Variants in EFS observed in about 807,000 individuals in gnomAD.
The protein encoded by EFS is embryonal Fyn-associated substrate.
A neutral mutation model predicts 42.2 loss-of-function variants in EFS; 34 were observed. That is an observed-to-expected ratio of 0.81 (90% CI 0.61 to 1.07). The LOEUF (loss-of-function observed/expected upper bound fraction) is 1.07, where lower values mean the gene tolerates loss of function less well. Ranked by LOEUF, EFS falls within the 50% of genes least tolerant of loss-of-function variation. The probability of loss-of-function intolerance (pLI) is 0.00; values close to 1 mark genes in which losing one functional copy is unlikely to be tolerated. For missense variants in EFS, 717 were observed against 729.4 expected, an observed-to-expected ratio of 0.98 and a Z score of 0.20; for synonymous variants, 299 against 320.7, an observed-to-expected ratio of 0.93 and a Z score of 0.72.
chr14:23,360,353 G>A (rs1890104628), intron 2 of EFS, 72 bp from the exon 3 acceptor site: 2 of 1,542,508 alleles, frequency 1.3e-6, no homozygotes, highest in Admixed American at 1.9e-5. Context: ...TGAGTGCGAG[G>A]AGCTTAGAGA....
At position 23,365,097 on chromosome 14, in the gene EFS, A is replaced by G. The variant is rs985269686; in HGVS notation, c.-72T>C. The G allele has an allele frequency of 5.6e-6, 7 of 1,246,944 alleles. No homozygotes were observed. The highest frequency in any genetic ancestry group is 7.1e-6 in the Non-Finnish European group (7 of 982,388). 77.2% of individuals were successfully genotyped at this position (1,246,944 alleles called of 1,614,324 possible). On this transcript the variant is annotated 5_prime_UTR_variant, in exon 1 of 6. Coordinates refer to ENST00000216733, the MANE Select transcript of EFS (RefSeq NM_005864.4). This position sits in a 1 kb window ranked among gnomAD's most constrained non-coding sequence, Gnocchi z 5.3. ...CTGACTTCAGCGGTGGCTGCCCCGCACCATGGTCCGCGGCCTCTAGCCCCC... is the reference window on the plus strand; with the variant it reads ...CTGACTTCAGCGGTGGCTGCCCCGCGCCATGGTCCGCGGCCTCTAGCCCCC...
rs531434738 is a variant in EFS, at chr14:23,358,887, G to A, written c.1240C>T (p.Pro414Ser). 1.9e-5 allele frequency: 31 copies of A among 1,611,356 alleles called. No individual in the cohort carries two copies. The South Asian group carries it at 3.2e-4, about 17-fold the overall frequency. ...CCCGCCAGGGTCACCTGCGGCGCCG[G>A]CATCCCCCTCTCGGGCAGTTCAGGA... The part of the protein sequence containing the change: ...GDPELPERGM[P>S]APQEALSPGE... The change falls in exon 5 of 6, where the codon CCG (proline) becomes TCG (serine). Residue 414 changes from proline to serine, a missense_variant. Coordinates refer to ENST00000216733, the MANE Select transcript of EFS (RefSeq NM_005864.4).
In EFS at chr14:23,365,061, G is replaced by T. The variant is rs561927815; in HGVS notation, c.-36C>A. 1.6e-6 allele frequency: 2 copies of T among 1,290,130 alleles called. No homozygotes were observed. Among genetic ancestry groups the T allele is most frequent in the Non-Finnish European group, 2.0e-6 (2 of 1,009,848 alleles). The allele number at this position is 1,290,130 out of a possible 1,614,324, so 79.9% of individuals were successfully genotyped here. ...TCCCGCGCAGCCTGCCTCAGGCCAG[G>T]CTCGGTTTTGCTGACTTCAGCGGTG... On this transcript the variant is annotated 5_prime_UTR_variant, in exon 1 of 6. Transcript: ENST00000216733. This position sits in a 1 kb window ranked among gnomAD's most constrained non-coding sequence, Gnocchi z 5.3.
intron 1 of EFS, 82 bp from the exon 2 acceptor site, chr14:23,360,915 C>A (rs959988036): frequency 1.5e-6 from 2 of 1,367,256 alleles, no homozygotes; most frequent in East Asian, 2.6e-5. Context: ...CCCTTCGGAG[C>A]TCCGCATTTC....
Position 23,359,550 on chromosome 14 carries a change from G to T in EFS, c.928C>A (p.Leu310Met), listed in dbSNP as rs764846330. The T allele has an allele frequency of 1.5e-5, 23 of 1,514,572 alleles. No homozygotes were observed. The highest frequency in any genetic ancestry group is 5.2e-5 in the South Asian group (4 of 76,372). 93.8% of individuals were successfully genotyped at this position (1,514,572 alleles called of 1,614,324 possible). A position where few individuals can be genotyped will look rare whatever the true frequency, so the allele number is the denominator to read the frequency against. ...GGGCTGGGGGCCTCAGGGACAGGCA[G>T]GGCAGGCAGAGGGCGGCGGGACAGG... The part of the protein sequence containing the change: ...ESLSRRPLPA[L>M]PVPEAPSPSP... The change falls in exon 4 of 6, where the codon CTG becomes ATG. Residue 310 changes from leucine to methionine, a missense_variant. Transcript: ENST00000216733.
Position 23,360,852 on chromosome 14 carries a change from G to C in EFS, c.19-19C>G, listed in dbSNP as rs755964602. 2.8e-5 allele frequency: 44 copies of C among 1,599,686 alleles called. No homozygotes were observed. The highest frequency in any genetic ancestry group is 3.6e-5 in the Non-Finnish European group (42 of 1,172,466). ...GCTGGGTCTGGTTGGGGAGGTGGGA[G>C]TGGGGAGAAGGGTCTTCAGACCCCT... On this transcript the variant is annotated intron_variant, in intron 1 of 5. Transcript: ENST00000216733.
At chr14:23,364,196 G>A (rs1169928111) in intron 1 of EFS, among the ~76,000 whole-genome samples, 4 of 152,244 alleles carry the variant, frequency 2.6e-5, no homozygotes, top group East Asian at 1.9e-4. Flanking sequence ...AGGTGGGGCT[G>A]TAGAGCGCTC....
intron 4 of EFS, 106 bp downstream of exon 4, chr14:23,359,211 G>T: frequency 7.2e-6 from 11 of 1,536,988 alleles, no homozygotes; most frequent in Non-Finnish European, 9.8e-6. Context: ...AGGGAAGGGG[G>T]ACAGAAGGGA....
At position 23,360,661 on chromosome 14, in the gene EFS, T is replaced by C; in HGVS notation, c.191A>G (p.Lys64Arg). The C allele has an allele frequency of 6.2e-7, 1 of 1,613,566 alleles. No homozygotes were observed. Among genetic ancestry groups the C allele is most frequent in the Non-Finnish European group, 8.5e-7 (1 of 1,179,796 alleles). The change falls in exon 2 of 6, where the codon AAG becomes AGG. Residue 64 changes from lysine (K) to arginine (R), a missense_variant. Lys to Arg is a conservative substitution (Grantham distance 26). Coordinates refer to ENST00000216733, the MANE Select transcript of EFS (RefSeq NM_005864.4). ...QQGIVPANRVKLLPAGPAPKP... is the reference protein window; with the variant it reads ...QQGIVPANRVRLLPAGPAPKP... ...GGGTGCTGGGCCAGCAGGCAAGAGCTTCACCCTGTTGGCGGGCACAATGCC... is the reference window on the plus strand; with the variant it reads ...GGGTGCTGGGCCAGCAGGCAAGAGCCTCACCCTGTTGGCGGGCACAATGCC...
Position 23,358,895 on chromosome 14 carries a change from C to A in EFS, c.1232G>T (p.Arg411Met). Residue 411 changes from arginine to methionine, a missense_variant, in exon 5 of 6, where the codon AGG becomes ATG. By Grantham distance (91) the Arg-to-Met change is moderately conservative. Transcript: ENST00000216733. Reference sequence around the variant, plus strand: ...GGTCACCTGCGGCGCCGGCATCCCCCTCTCGGGCAGTTCAGGATCCCCTGT... The same window carrying A: ...GGTCACCTGCGGCGCCGGCATCCCCATCTCGGGCAGTTCAGGATCCCCTGT... Reference protein sequence around the residue: ...ACTGDPELPERGMPAPQEALS... With the variant: ...ACTGDPELPEMGMPAPQEALS... The A allele has an allele frequency of 2.5e-6, 4 of 1,612,800 alleles. No individual in the cohort carries two copies. The highest frequency in any genetic ancestry group is 1.1e-5 in the South Asian group (1 of 90,802).
At position 23,357,657 on chromosome 14, in the gene EFS, C is replaced by A; in HGVS notation, c.1255G>T (p.Ala419Ser). ...PERGMPAPQE[A>S]LSPGEPLVVS... ...ACCAGTGGCTCCCCTGGGGACAGGGCCTCCTGAAGGGCAAGAGGAGTGGTC... is the reference window on the plus strand; with the variant it reads ...ACCAGTGGCTCCCCTGGGGACAGGGACTCCTGAAGGGCAAGAGGAGTGGTC... Residue 419 changes from alanine (A) to serine (S), a missense_variant, in exon 6 of 6, where the codon GCC (alanine) becomes TCC (serine). Physicochemically the swap from Ala to Ser is moderately conservative, Grantham distance 99. Transcript: ENST00000216733. 6.6e-7 allele frequency: 1 copy of A among 1,524,364 alleles called. No homozygotes were observed. The highest frequency in any genetic ancestry group is 8.8e-7 in the Non-Finnish European group (1 of 1,130,376). 94.4% of individuals were successfully genotyped at this position (1,524,364 alleles called of 1,614,324 possible). A position where few individuals can be genotyped will look rare whatever the true frequency, so the allele number is the denominator to read the frequency against.
rs1434005618 is a variant in EFS, at chr14:23,360,911, G to A, written c.19-78C>T. ...ACGTCACCCCTGCTTAGAACCCTTCGGAGCTCCGCATTTCCCTCAAGCTAA... is the reference window on the plus strand; with the variant it reads ...ACGTCACCCCTGCTTAGAACCCTTCAGAGCTCCGCATTTCCCTCAAGCTAA... On this transcript the variant is annotated intron_variant, in intron 1 of 5. Transcript: ENST00000216733. 5.2e-5 allele frequency: 72 copies of A among 1,391,292 alleles called. 1 individual carries two copies. Among genetic ancestry groups the A allele is most frequent in the South Asian group, 3.1e-4 (21 of 67,022 alleles). 86.2% of individuals were successfully genotyped at this position (1,391,292 alleles called of 1,614,324 possible). A position where few individuals can be genotyped will look rare whatever the true frequency, so the allele number is the denominator to read the frequency against.
At chr14:23,361,807 CTCATT>C (rs1890163383) in intron 1 of EFS, among the ~76,000 whole-genome samples, 1 of 152,238 alleles carries the variant, frequency 6.6e-6, no homozygotes, top group South Asian at 2.1e-4. Flanking sequence ...ATCAACTCAT[CTCATT>C]TAATTCTCAC....
chr14:23,359,220 G>A, intron 4 of EFS, 97 bp downstream of exon 4: 2 of 1,559,354 alleles, frequency 1.3e-6, no homozygotes, highest in Non-Finnish European at 1.8e-6. Context: ...GGACAGAAGG[G>A]AGGCAGGGAG....
intron 1 of EFS, among the ~76,000 whole-genome samples, chr14:23,361,697 G>A (rs1890159808): frequency 6.6e-6 from 1 of 152,184 alleles, no homozygotes; most frequent in Admixed American, 6.5e-5. Context: ...TCTGGTGGGG[G>A]CTTATAAGCT....
chr14:23,363,887 T>C (rs915480833), intron 1 of EFS, among the ~76,000 whole-genome samples: 1 of 151,836 alleles, frequency 6.6e-6, no homozygotes, highest in Non-Finnish European at 1.5e-5. Flanking sequence ...TGAGCCGTGA[T>C]TGTGCCACTG....
In EFS at chr14:23,365,144, G is replaced by T; in HGVS notation, c.-119C>A. On this transcript the variant is annotated 5_prime_UTR_variant, in exon 1 of 6. Transcript: ENST00000216733. This position sits in a 1 kb window ranked among gnomAD's most constrained non-coding sequence, Gnocchi z 5.3. ...CCCCAGCTGTGGCGCCTGAGTCGTG[G>T]CCTCCGCCAAGGTTGGAGGAGGAGA... 1 of 960,670 alleles carries T rather than the reference G, an allele frequency of 1.0e-6. No individual in the cohort carries two copies. Among genetic ancestry groups the T allele is most frequent in the Non-Finnish European group, 1.4e-6 (1 of 727,298 alleles). The allele number at this position is 960,670 out of a possible 1,614,324, so 59.5% of individuals were successfully genotyped here. A position where few individuals can be genotyped will look rare whatever the true frequency, so the allele number is the denominator to read the frequency against.
rs1465754133 is a variant in EFS, at chr14:23,357,125, C to A, written c.*101G>T. The A allele has an allele frequency of 5.3e-6, 6 of 1,135,040 alleles. No homozygotes were observed. Among genetic ancestry groups the A allele is most frequent in the Non-Finnish European group, 7.3e-6 (6 of 825,732 alleles). 70.3% of individuals were successfully genotyped at this position (1,135,040 alleles called of 1,614,324 possible). A position where few individuals can be genotyped will look rare whatever the true frequency, so the allele number is the denominator to read the frequency against. On this transcript the variant is annotated 3_prime_UTR_variant, in exon 6 of 6. Transcript: ENST00000216733. ...GAAAGGGCAGGAAAGGGGAAAGATA[C>A]CCCCATTTCTCCTAGTCCCTTAACA...
chr14:23,359,837 G>T lies in EFS; in HGVS notation c.641C>A (p.Pro214His), dbSNP rs139711662. The T allele has an allele frequency of 6.8e-5, 103 of 1,524,262 alleles. No homozygotes were observed. In the African/African-American group the frequency reaches 1.2e-3, roughly 17 times the overall value. The allele number at this position is 1,524,262 out of a possible 1,614,324, so 94.4% of individuals were successfully genotyped here. A position where few individuals can be genotyped will look rare whatever the true frequency, so the allele number is the denominator to read the frequency against. Residue 214 changes from proline (P) to histidine (H), a missense_variant, in exon 4 of 6, where the codon CCC becomes CAC. Physicochemically the swap from Pro to His is moderately conservative, Grantham distance 77 (BLOSUM62 -2). Coordinates refer to ENST00000216733, the MANE Select transcript of EFS (RefSeq NM_005864.4). ...GTTGGAGGGGGCAGCATAGATGGGG[G>T]GCCCCGGCTCCCGGCCTCCTTCCCA... is the stretch of plus-strand genomic sequence containing the variant. ...LEWEGGREPG[P>H]PIYAAPSNLK...
Sources: allele counts gnomAD v4.1 joint callset (sites outside exome capture counted in the v4.1 genomes callset), GRCh38; gene constraint gnomAD v4.1.1; non-coding constraint Gnocchi (gnomAD v3.1); transcripts MANE v1.5; gene names NCBI Gene and HGNC (gene_info 2026-07-23, HGNC 2026-07-21).